AP5Z1: variants seen among roughly 807,000 people sequenced by gnomAD.
The protein encoded by AP5Z1 is AP-5 complex subunit zeta-1.
AP5Z1 carries 106 observed loss-of-function variants against 83.0 expected under a neutral mutation model. The observed-to-expected ratio is 1.28, with a 90% CI of 1.09 to 1.50. The LOEUF is 1.50. Among genes scored for constraint, AP5Z1 ranks in the 40% most tolerant of loss-of-function variants. The probability of loss-of-function intolerance (pLI) is 0.00; values close to 1 mark genes in which losing one functional copy is unlikely to be tolerated. For missense variants in AP5Z1, 1,565 were observed against 1,094.2 expected, an observed-to-expected ratio of 1.43 and a Z score of -6.07; for synonymous variants, 751 against 514.1, an observed-to-expected ratio of 1.46 and a Z score of -6.23.
rs761451474 is a variant in AP5Z1, at chr7:4,783,793, C to G, written c.616C>G (p.Arg206Gly). The change falls in exon 5 of 17, where the codon CGG becomes GGG. Residue 206 changes from arginine (R) to glycine (G), a missense_variant. Coordinates refer to ENST00000649063, the MANE Select transcript of AP5Z1 (RefSeq NM_014855.3). ...SGGFFSTPRA[R>G]QPGPVTEVDG... ...CGGCTTCTTCTCCACGCCCAGGGCC[C>G]GGCAGGTGAGGCTGGGACTGTTCTG... is the stretch of plus-strand genomic sequence containing the variant. 3 of 1,547,824 alleles carry G rather than the reference C, an allele frequency of 1.9e-6. No homozygotes were observed. Among genetic ancestry groups the G allele is most frequent in the Non-Finnish European group, 2.6e-6 (3 of 1,146,928 alleles).
rs1184734816 is a variant in AP5Z1 at position 4,789,938 on chromosome 7, C to T, written c.1805+9C>T. On this transcript the variant is annotated intron_variant, in intron 14 of 16. Coordinates refer to ENST00000649063, the MANE Select transcript of AP5Z1 (RefSeq NM_014855.3). The stretch of plus-strand genomic sequence containing the variant: ...GCTGCCGGTGTGCACAGGTAGGTCC[C>T]TCCTGCGCTCCTGCCACAGCCCTGG... 2.0e-6 allele frequency: 3 copies of T among 1,521,128 alleles called. No homozygotes were observed. The highest frequency in any genetic ancestry group is 2.7e-6 in the Non-Finnish European group (3 of 1,129,010). The allele number at this position is 1,521,128 out of a possible 1,614,324, so 94.2% of individuals were successfully genotyped here. A position where few individuals can be genotyped will look rare whatever the true frequency, so the allele number is the denominator to read the frequency against.
In AP5Z1 at chr7:4,787,720, G is replaced by T; in HGVS notation, c.1398G>T (p.Met466Ile). The change falls in exon 11 of 17, where the codon ATG becomes ATT. Residue 466 changes from methionine (M) to isoleucine (I), a missense_variant. Physicochemically the swap from Met to Ile is conservative, Grantham distance 10. Coordinates refer to ENST00000649063, the MANE Select transcript of AP5Z1 (RefSeq NM_014855.3). Reference protein sequence around the residue: ...ALVDAGTALEMLHALLDLPCL... With the variant: ...ALVDAGTALEILHALLDLPCL... ...TGGACGCTGGCACAGCCCTGGAGAT[G>T]CTGCACGCGCTGCTGGACCTGCCCT... 6.5e-7 allele frequency: 1 copy of T among 1,548,948 alleles called. No homozygotes were observed. Among genetic ancestry groups the T allele is most frequent in the Admixed American group, 1.9e-5 (1 of 51,540 alleles).
chr7:4,782,681 C>T (rs1439024423), intron 3 of AP5Z1, among the ~76,000 whole-genome samples: 1 of 152,178 alleles, frequency 6.6e-6, no homozygotes, highest in Non-Finnish European at 1.5e-5. Flanking sequence ...CACCTCCAGG[C>T]CTCCGAGATG....
At chr7:4,782,636 G>T (rs1781411996) in intron 3 of AP5Z1, among the ~76,000 whole-genome samples, 2 of 152,110 alleles carry the variant, frequency 1.3e-5, no homozygotes, top group Non-Finnish European at 2.9e-5. Flanking sequence ...CCTGGTTGGT[G>T]CCCAGCCCCC....
At chr7:4,789,658 C>T (rs184456797) in intron 13 of AP5Z1, among the ~76,000 whole-genome samples, 174 bp from the exon 14 acceptor site, 180 of 152,324 alleles carry the variant, frequency 1.2e-3, no homozygotes, top group African/African-American at 4.1e-3. Flanking sequence ...GGCTTCCCTC[C>T]CTGTGCCCGG....
In AP5Z1 at chr7:4,784,938, T is replaced by G. The variant is rs779893770; in HGVS notation, c.821T>G (p.Leu274Arg). The G allele has an allele frequency of 9.3e-6, 15 of 1,612,078 alleles. No homozygotes were observed. The highest frequency in any genetic ancestry group is 8.9e-5 in the East Asian group (4 of 44,850). ...AGGTCAGAGCAGGAGGGCTCCACTC[T>G]GTCGGTGATCTCCGCCACCTCCTCT... ...DDRSEQEGST[L>R]SVISATSSAG... The change falls in exon 7 of 17, where the codon CTG becomes CGG. Residue 274 changes from leucine to arginine, a missense_variant. Transcript: ENST00000649063.
rs188297363 is a variant in AP5Z1, at chr7:4,778,413, G to C, written c.41+2657G>C. Among the ~76,000 whole-genome samples, 507 of 152,324 alleles carry C rather than the reference G, an allele frequency of 3.3e-3. 4 individuals are homozygous for C. Among genetic ancestry groups the C allele is most frequent in the Non-Finnish European group, 4.0e-3 (272 of 68,030 alleles). The stretch of plus-strand genomic sequence containing the variant: ...CCGCAAGGTCGGGGATTTCCAGGAG[G>C]AAGAGCCTCAGCCCACTAGCTCGGG... On this transcript the variant is annotated intron_variant, in intron 1 of 16. Transcript: ENST00000649063.
Position 4,788,296 on chromosome 7 carries a change from T to C in AP5Z1, c.1595+2T>C. The C allele has an allele frequency of 6.3e-7, 1 of 1,582,758 alleles. No individual in the cohort carries two copies. The highest frequency in any genetic ancestry group is 1.8e-5 in the Admixed American group (1 of 55,838). On this transcript the variant is annotated splice_donor_variant, in intron 12 of 16. Transcript: ENST00000649063. LOFTEE classifies it high-confidence loss of function. ...CAAGGCCAGTGGCGCCACTGAGAGGTACGGGGCCCTAGGGCCAGGGGGCCA... is the reference window on the plus strand; with the variant it reads ...CAAGGCCAGTGGCGCCACTGAGAGGCACGGGGCCCTAGGGCCAGGGGGCCA...
Position 4,775,767 on chromosome 7 carries a change from G to C in AP5Z1, c.41+11G>C. The C allele has an allele frequency of 6.2e-7, 1 of 1,603,008 alleles. No individual in the cohort carries two copies. Among genetic ancestry groups the C allele is most frequent in the Non-Finnish European group, 8.5e-7 (1 of 1,179,570 alleles). On this transcript the variant is annotated intron_variant, in intron 1 of 16. Transcript: ENST00000649063. ...GCTCCACCAGGCCAGGTACGGGGGA[G>C]CTGCGGCCCCGGCCCTCCTTCCTGC...
In AP5Z1 at chr7:4,787,776, G is replaced by A; in HGVS notation, c.1454G>A (p.Arg485Lys). The A allele has an allele frequency of 6.5e-7, 1 of 1,531,592 alleles. No homozygotes were observed. Among genetic ancestry groups the A allele is most frequent in the Non-Finnish European group, 8.8e-7 (1 of 1,141,964 alleles). 94.9% of individuals were successfully genotyped at this position (1,531,592 alleles called of 1,614,324 possible). ...CLTAVLDLQL[R>K]SAPAASERPL... ...ACGGCGGTGCTGGACCTGCAGCTCA[G>A]GTGGGCCCCTCACCCTCTGCCAGCG... is the stretch of plus-strand genomic sequence containing the variant. The change falls in exon 11 of 17, where the codon AGG becomes AAG. Residue 485 changes from arginine to lysine, a missense_variant and splice_region_variant. Arg to Lys is a conservative substitution (Grantham distance 26). Coordinates refer to ENST00000649063, the MANE Select transcript of AP5Z1 (RefSeq NM_014855.3).
At chr7:4,788,991 C>A in intron 13 of AP5Z1, 40 bp downstream of exon 13, 1 of 1,565,936 alleles carries the variant, frequency 6.4e-7, no homozygotes, top group Non-Finnish European at 8.7e-7. Flanking sequence ...CCACAGGCCT[C>A]ACAACTGAGG....
chr7:4,785,762 T>C (rs1209218174), intron 9 of AP5Z1, 78 bp downstream of exon 9: 124 of 364,296 alleles, frequency 3.4e-4, no homozygotes, highest in Middle Eastern at 1.3e-3. Context: ...CTTCTTCCCT[T>C]TTTTTTTTTT....
At chr7:4,790,637 C>T (rs1356463535) in intron 15 of AP5Z1, 36 bp from the exon 16 acceptor site, 2 of 1,612,050 alleles carry the variant, frequency 1.2e-6, no homozygotes, top group Non-Finnish European at 1.7e-6. Context: ...ACCCAGGAGG[C>T]CTGGGTGGGG....
intron 14 of AP5Z1, 63 bp downstream of exon 14, chr7:4,789,992 T>TTCCCCC: frequency 1.9e-6 from 1 of 516,476 alleles, no homozygotes; most frequent in Non-Finnish European, 2.5e-6. Flanking sequence ...CCTCCCCCTC[T>TTCCCCC]CCCCTCCCCC....
In AP5Z1 at chr7:4,786,381, A is replaced by G. The variant is rs1268631125; in HGVS notation, c.1264A>G (p.Ser422Gly). 1 of 1,613,772 alleles carries G rather than the reference A, an allele frequency of 6.2e-7. No individual in the cohort carries two copies. The highest frequency in any genetic ancestry group is 8.5e-7 in the Non-Finnish European group (1 of 1,179,862). ...QFCRDNLHLF[S>G]GHLSTLRLSF... The stretch of plus-strand genomic sequence containing the variant: ...CTGCAGGGACAACCTCCACCTGTTC[A>G]GCGGGCACCTCAGCACCCTCAGATT... The change falls in exon 10 of 17, where the codon AGC becomes GGC. Residue 422 changes from serine to glycine, a missense_variant. Ser to Gly is a moderately conservative substitution (Grantham distance 56). Coordinates refer to ENST00000649063, the MANE Select transcript of AP5Z1 (RefSeq NM_014855.3).
At chr7:4,780,738 C>G (rs1470273250) in intron 1 of AP5Z1, among the ~76,000 whole-genome samples, 3 of 152,132 alleles carry the variant, frequency 2.0e-5, no homozygotes, top group African/African-American at 7.2e-5. Flanking sequence ...TATATTCCAG[C>G]CCGGGTGACA....
Position 4,791,032 on chromosome 7 carries a change from C to T in AP5Z1, c.2154-83C>T, listed in dbSNP as rs114452544. 1,443 of 1,473,872 alleles carry T rather than the reference C, an allele frequency of 9.8e-4. 17 individuals are homozygous for T. In the African/African-American group the frequency reaches 0.017, roughly 17 times the overall value. The allele number at this position is 1,473,872 out of a possible 1,614,324, so 91.3% of individuals were successfully genotyped here. On this transcript the variant is annotated intron_variant, in intron 16 of 16. Transcript: ENST00000649063. ...GCTGAGCTAAAGCCACTCTGCTGGG[C>T]GCTTCAGGCCTGGCCCCTCCACACA...
chr7:4,788,615 T>A, intron 12 of AP5Z1: 1 of 514,282 alleles, frequency 1.9e-6, no homozygotes, highest in Admixed American at 3.6e-5. Flanking sequence ...GCCACAGGCC[T>A]CCTGCCCTCA....
chr7:4,793,043 C>T lies in AP5Z1; in HGVS notation c.*1658C>T, dbSNP rs572080134. 8 of 152,716 alleles carry T rather than the reference C, an allele frequency of 5.2e-5. No homozygotes were observed. The highest frequency in any genetic ancestry group is 1.7e-4 in the African/African-American group (7 of 41,604). The allele number at this position is 152,716 out of a possible 1,614,324, so 9.5% of individuals were successfully genotyped here. ...TCCCAGGCACTCGTGGGGCCACCGC[C>T]CAGGCCAGCTGGTGCTAAGTCCGCA... On this transcript the variant is annotated 3_prime_UTR_variant, in exon 17 of 17. Coordinates refer to ENST00000649063, the MANE Select transcript of AP5Z1 (RefSeq NM_014855.3).
Sources: allele counts gnomAD v4.1 joint callset (sites outside exome capture counted in the v4.1 genomes callset), GRCh38; gene constraint gnomAD v4.1.1; transcripts MANE v1.5; gene names NCBI Gene and HGNC (gene_info 2026-07-23, HGNC 2026-07-21).